The following ERICH1 variants were observed in gnomAD, a reference collection of about 807,000 sequenced individuals.
ERICH1 encodes the protein glutamate rich 1.
A neutral mutation model predicts 39.6 loss-of-function variants in ERICH1; 56 were observed. The observed-to-expected ratio is 1.41, with a 90% CI of 1.14 to 1.77. ERICH1 has a LOEUF of 1.77. Ranked by LOEUF, ERICH1 falls within the 40% of genes most tolerant of loss-of-function variation. ERICH1 has a pLI of 0.00. For synonymous variants in ERICH1, 313 were observed against 223.6 expected, an observed-to-expected ratio of 1.40 and a Z score of -3.57; for missense variants, 826 against 575.4, an observed-to-expected ratio of 1.44 and a Z score of -4.45.
chr8:638,679 T>C (rs1303470592), intron 3 of ERICH1, among the ~76,000 whole-genome samples: 3 of 152,206 alleles, frequency 2.0e-5, no homozygotes, highest in Non-Finnish European at 4.4e-5. Flanking sequence ...TTGTGTCTCC[T>C]GCCTTATGAT....
At chr8:711,664 A>T (rs1814771376) in intron 2 of ERICH1, among the ~76,000 whole-genome samples, 1 of 151,918 alleles carries the variant, frequency 6.6e-6, no homozygotes, top group South Asian at 2.1e-4. Context: ...TGCCCAGCTG[A>T]TTTTTTGTAT....
At chr8:646,534 G>T (rs1351151301) in intron 3 of ERICH1, among the ~76,000 whole-genome samples, 1 of 68,854 alleles carries the variant, frequency 1.5e-5, no homozygotes, top group Admixed American at 1.3e-4. Context: ...AACTGGCATC[G>T]GGGGGAACTG....
intron 1 of ERICH1, among the ~76,000 whole-genome samples, chr8:724,408 G>C (rs1406484659): frequency 6.6e-6 from 1 of 152,162 alleles, no homozygotes; most frequent in Admixed American, 6.5e-5. Flanking sequence ...ATCACGAAGC[G>C]TTCACAAACA....
intron 2 of ERICH1, among the ~76,000 whole-genome samples, chr8:700,816 T>C (rs1401217396): frequency 2.0e-5 from 3 of 152,230 alleles, no homozygotes; most frequent in Non-Finnish European, 4.4e-5. Context: ...AAAATATTCC[T>C]TTATCAGAGG....
At chr8:656,688 C>T in intron 3 of ERICH1, 1 of 925,134 alleles carries the variant, frequency 1.1e-6, no homozygotes, top group South Asian at 5.0e-5. Context: ...GAATAAAGGA[C>T]ATCCCCATTC....
rs563268742 is a variant in ERICH1 at position 621,550 on chromosome 8, A to G, written c.977-6266T>C. Among the ~76,000 whole-genome samples the G allele has an allele frequency of 2.0e-5, 3 of 151,968 alleles. No homozygotes were observed. The South Asian group carries it at 6.2e-4, about 31-fold the overall frequency. ...ATAATTAAAAAGAGAAAGGAGATAG[A>G]GAAGAGCAAACTAAAAACCAGCAGA... On this transcript the variant is annotated intron_variant, in intron 3 of 3. Transcript: ENST00000522706.
At chr8:731,098 G>T in intron 1 of ERICH1, 42 bp downstream of exon 1, 6 of 1,429,454 alleles carry the variant, frequency 4.2e-6, no homozygotes, top group Non-Finnish European at 5.5e-6. Context: ...GCCGAGAGCC[G>T]GGTCTGGGGT....
rs926750937 is a variant in ERICH1 at position 618,526 on chromosome 8, A to C, written c.977-3242T>G. On this transcript the variant is annotated intron_variant, in intron 3 of 3. Transcript: ENST00000522706. ...TGCATGGCATAAGCTCAGTGGGTACATGCTAACTGAGTGAGTGACTGACAG... is the reference window on the plus strand; with the variant it reads ...TGCATGGCATAAGCTCAGTGGGTACCTGCTAACTGAGTGAGTGACTGACAG... Among the ~76,000 whole-genome samples the C allele has an allele frequency of 6.6e-5, 10 of 152,322 alleles. No homozygotes were observed. The South Asian group carries it at 2.1e-3, about 32-fold the overall frequency.
At position 716,969 on chromosome 8, in the gene ERICH1, C is replaced by T. The variant is rs1028527706; in HGVS notation, c.23-962G>A. Among the ~76,000 whole-genome samples the T allele has an allele frequency of 5.7e-4, 87 of 152,308 alleles. 1 individual carries two copies. Among genetic ancestry groups the T allele is most frequent in the Middle Eastern group, 3.4e-3 (1 of 294 alleles). On this transcript the variant is annotated intron_variant, in intron 1 of 5. Coordinates refer to ENST00000262109, the MANE Select transcript of ERICH1 (RefSeq NM_207332.3). ...ATAGAAATAACCCTCCTACAGGCCC[C>T]GCTGTTAAGAACACTATGTGGGTTT...
chr8:717,547 C>T (rs1013541230), intron 1 of ERICH1, among the ~76,000 whole-genome samples: 4 of 152,204 alleles, frequency 2.6e-5, no homozygotes, highest in Non-Finnish European at 5.9e-5. Context: ...AGAAAATGTC[C>T]TGTGCCAGAT....
intron 1 of ERICH1, among the ~76,000 whole-genome samples, chr8:717,731 G>A (rs1454771324): frequency 6.6e-6 from 1 of 152,246 alleles, no homozygotes; most frequent in Non-Finnish European, 1.5e-5. Context: ...CAGCCAACGC[G>A]GACATGTGGC....
At chr8:707,968 A>T (rs1388264091) in intron 2 of ERICH1, among the ~76,000 whole-genome samples, 1 of 152,206 alleles carries the variant, frequency 6.6e-6, no homozygotes, top group Admixed American at 6.5e-5. Flanking sequence ...AATCCAATTA[A>T]AACTGGGCAA....
chr8:643,139 G>A (rs1487290258), intron 3 of ERICH1, among the ~76,000 whole-genome samples: 4 of 152,110 alleles, frequency 2.6e-5, no homozygotes, highest in African/African-American at 9.7e-5. Flanking sequence ...GCAGCCTGGA[G>A]TCTCCCGTCC....
intron 2 of ERICH1, among the ~76,000 whole-genome samples, chr8:704,321 G>C (rs962249858): frequency 6.6e-6 from 1 of 152,326 alleles, no homozygotes; most frequent in South Asian, 2.1e-4. Context: ...CGGGAGTTAC[G>C]GCAAGGACTT....
At chr8:720,782 A>C (rs991864724) in intron 1 of ERICH1, among the ~76,000 whole-genome samples, 1 of 152,204 alleles carries the variant, frequency 6.6e-6, no homozygotes, top group African/African-American at 2.4e-5. Context: ...TCCATGTTGC[A>C]TGGGTGTTCT....
chr8:686,778 G>C (rs1563260874), intron 3 of ERICH1: 2 of 152,372 alleles, frequency 1.3e-5, no homozygotes, highest in East Asian at 3.9e-4. Context: ...GAGAGAGAGA[G>C]AGAGCGCGCA....
Position 664,278 on chromosome 8 carries a change from C to G in ERICH1, c.*325G>C, listed in dbSNP as rs112728507. The G allele has an allele frequency of 2.0e-6, 2 of 1,017,790 alleles. No homozygotes were observed. The highest frequency in any genetic ancestry group is 3.4e-5 in the African/African-American group (2 of 58,574). 63.0% of individuals were successfully genotyped at this position (1,017,790 alleles called of 1,614,324 possible). A position where few individuals can be genotyped will look rare whatever the true frequency, so the allele number is the denominator to read the frequency against. ...TCAGATACAAGGTGATTCAAAACTTCATAAAAATATATGAGCTTCAAACTA... is the reference window on the plus strand; with the variant it reads ...TCAGATACAAGGTGATTCAAAACTTGATAAAAATATATGAGCTTCAAACTA... On this transcript the variant is annotated 3_prime_UTR_variant, in exon 6 of 6. Transcript: ENST00000262109.
chr8:657,638 G>T (rs1240192274), intron 3 of ERICH1, among the ~76,000 whole-genome samples: 1 of 151,388 alleles, frequency 6.6e-6, no homozygotes. Flanking sequence ...ACTGGATTTT[G>T]TACAGGGGCT....
intron 2 of ERICH1, among the ~76,000 whole-genome samples, chr8:700,830 C>T (rs1017062530): frequency 4.6e-5 from 7 of 152,228 alleles, no homozygotes; most frequent in Non-Finnish European, 5.9e-5. Context: ...TCAGAGGCTT[C>T]CAGATGGCAG....
Sources: allele counts gnomAD v4.1 joint callset (sites outside exome capture counted in the v4.1 genomes callset), GRCh38; gene constraint gnomAD v4.1.1; transcripts MANE v1.5; gene names NCBI Gene and HGNC (gene_info 2026-07-23, HGNC 2026-07-21).